The following PDE4D variants were observed in gnomAD, a reference collection of about 807,000 sequenced individuals.
PDE4D encodes phosphodiesterase 4D, also known as 3',5'-cyclic-AMP phosphodiesterase 4D.
Under a neutral mutation model 87.4 loss-of-function variants are expected in PDE4D, and 24 were observed. That is an observed-to-expected ratio of 0.27 (90% CI 0.20 to 0.39). The LOEUF is 0.39. Ranked by LOEUF, PDE4D falls within the 10% of genes least tolerant of loss-of-function variation. PDE4D has a pLI of 1.00. For synonymous variants in PDE4D, 384 were observed against 383.2 expected (o/e 1.00, Z -0.02); for missense variants, 714 against 1,041.0 (o/e 0.69, Z 4.32).
At chr5:59,705,554 A>G (rs1478809627) in intron 1 of PDE4D, among the ~76,000 whole-genome samples, 1 of 152,192 alleles carries the variant, frequency 6.6e-6, no homozygotes, top group Non-Finnish European at 1.5e-5. Context: ...GCTACGGTAA[A>G]TATATTTTCT....
chr5:60,027,999 T>G (rs1181346714), intron 2 of PDE4D, among the ~76,000 whole-genome samples: 1 of 152,208 alleles, frequency 6.6e-6, no homozygotes. Context: ...TGTCCTCTTA[T>G]GGCCTCAACT....
chr5:60,302,655 T>A (rs1754009474), intron 1 of PDE4D, among the ~76,000 whole-genome samples: 1 of 152,178 alleles, frequency 6.6e-6, no homozygotes, highest in Non-Finnish European at 1.5e-5. Context: ...TTTTTTTGTG[T>A]CTCTATCCCC....
In PDE4D at chr5:59,200,256, T is replaced by C. The variant is rs1242750929; in HGVS notation, c.648-6720A>G. Among the ~76,000 whole-genome samples the C allele has an allele frequency of 4.3e-4, 58 of 134,182 alleles. 1 individual carries two copies. The highest frequency in any genetic ancestry group is 1.5e-3 in the African/African-American group (49 of 32,418). The allele number at this position is 134,182 out of a possible 152,430, so 88.0% of individuals were successfully genotyped here. Reference sequence around the variant, plus strand: ...ATATGTGTATGTACAGCTACACGTATACATACATATGTGTATGTACAGCTA... The same window carrying C: ...ATATGTGTATGTACAGCTACACGTACACATACATATGTGTATGTACAGCTA... On this transcript the variant is annotated intron_variant, in intron 2 of 14. Transcript: ENST00000340635.
At chr5:59,110,492 G>C (rs112247150) in intron 5 of PDE4D, among the ~76,000 whole-genome samples, 1 of 152,206 alleles carries the variant, frequency 6.6e-6, no homozygotes, top group African/African-American at 2.4e-5. Flanking sequence ...ACACTGCCTA[G>C]GCATTGTTTC....
chr5:60,474,132 ATATATATATATATATATAAC>A (rs1473048301), intron 1 of PDE4D, among the ~76,000 whole-genome samples: 1 of 103,500 alleles, frequency 9.7e-6, no homozygotes, highest in African/African-American at 5.2e-5. Flanking sequence ...ATATATATAT[ATATATATATATATATATAAC>A]AAAAACCTTA....
At chr5:60,159,497 G>A (rs538269857) in intron 2 of PDE4D, among the ~76,000 whole-genome samples, 12 of 151,954 alleles carry the variant, frequency 7.9e-5, no homozygotes, top group African/African-American at 2.2e-4. Context: ...TTATATCACC[G>A]GCCATGCAGT....
chr5:59,300,853 A>C (rs1770097994), intron 1 of PDE4D, among the ~76,000 whole-genome samples: 1 of 152,124 alleles, frequency 6.6e-6, no homozygotes, highest in African/African-American at 2.4e-5. Flanking sequence ...GGCCACCTCC[A>C]AGTTGGCATA....
At chr5:60,177,016 T>C (rs1783971626) in intron 2 of PDE4D, among the ~76,000 whole-genome samples, 2 of 152,172 alleles carry the variant, frequency 1.3e-5, no homozygotes, top group Admixed American at 1.3e-4. Context: ...AGGACTGGGT[T>C]TGTCCTGTAA....
chr5:60,087,715 A>G (rs1412544840), intron 2 of PDE4D, among the ~76,000 whole-genome samples: 1 of 152,124 alleles, frequency 6.6e-6, no homozygotes, highest in Non-Finnish European at 1.5e-5. Flanking sequence ...GCAAAAGGAA[A>G]AAGAATTTAA....
At chr5:60,213,179 A>G (rs1402235478) in intron 1 of PDE4D, among the ~76,000 whole-genome samples, 1 of 152,234 alleles carries the variant, frequency 6.6e-6, no homozygotes, top group Non-Finnish European at 1.5e-5. Context: ...CTTTGCGATA[A>G]GAGTTTCAAA....
At chr5:59,266,969 T>A (rs1005726866) in intron 1 of PDE4D, among the ~76,000 whole-genome samples, 2 of 151,842 alleles carry the variant, frequency 1.3e-5, no homozygotes. Flanking sequence ...AGTTTATTCA[T>A]ACAGTTGCTT....
chr5:59,597,271 C>G (rs533422173), intron 1 of PDE4D, among the ~76,000 whole-genome samples: 31 of 152,194 alleles, frequency 2.0e-4, no homozygotes, highest in Non-Finnish European at 3.8e-4. Flanking sequence ...TATTGAATAG[C>G]TACAATGAAT....
intron 11 of PDE4D, among the ~76,000 whole-genome samples, chr5:58,983,358 T>C (rs562445182): frequency 6.6e-6 from 1 of 152,380 alleles, no homozygotes; most frequent in East Asian, 1.9e-4. Flanking sequence ...TTTGTGCCTT[T>C]AGTGTCTGCT....
chr5:59,018,030 C>A (rs1164648686), intron 6 of PDE4D, among the ~76,000 whole-genome samples: 1 of 152,132 alleles, frequency 6.6e-6, no homozygotes, highest in East Asian at 1.9e-4. Flanking sequence ...CTTAAGGATA[C>A]TGGGTTGTAT....
At chr5:59,578,328 AAACAAC>A (rs1447118155) in intron 1 of PDE4D, among the ~76,000 whole-genome samples, 1 of 152,168 alleles carries the variant, frequency 6.6e-6, no homozygotes, top group South Asian at 2.1e-4. Flanking sequence ...CTACCAAATA[AAACAAC>A]AACAACAATT....
chr5:58,982,060 A>G (rs1270716042), intron 11 of PDE4D, among the ~76,000 whole-genome samples: 1 of 152,186 alleles, frequency 6.6e-6, no homozygotes, highest in Non-Finnish European at 1.5e-5. Flanking sequence ...GTCTCCTGAT[A>G]GAAGCATTCC....
intron 1 of PDE4D, among the ~76,000 whole-genome samples, chr5:59,626,864 A>G (rs571755058): frequency 1.3e-5 from 2 of 152,334 alleles, no homozygotes; most frequent in African/African-American, 4.8e-5. Context: ...ATTGCTTCCT[A>G]TGCCTCAAAC....
chr5:60,281,647 A>T (rs1038430346), intron 1 of PDE4D, among the ~76,000 whole-genome samples: 2 of 152,148 alleles, frequency 1.3e-5, no homozygotes, highest in South Asian at 2.1e-4. Context: ...CCCTTTTTTT[A>T]AAAATTAAGC....
intron 1 of PDE4D, among the ~76,000 whole-genome samples, chr5:60,266,886 A>G (rs980864279): frequency 6.6e-6 from 1 of 152,232 alleles, no homozygotes; most frequent in Admixed American, 6.5e-5. Context: ...GGACAAAATG[A>G]TAATGTCCCA....
Sources: gnomAD v4.1 joint callset for allele counts (sites outside exome capture counted in the v4.1 genomes callset) on GRCh38, gnomAD v4.1.1 for gene constraint, MANE v1.5 for transcripts, NCBI Gene and HGNC (gene_info 2026-07-23, HGNC 2026-07-21) for gene names.